VCAM1: variants seen among roughly 807,000 people sequenced by gnomAD.
VCAM1 encodes the protein vascular cell adhesion protein 1.
In VCAM1, 41 loss-of-function variants were observed where a neutral mutation model predicts 63.8. That is an observed-to-expected ratio of 0.64 (90% CI 0.50 to 0.83). The LOEUF is 0.83. VCAM1 is among the 40% of genes least tolerant of loss of function. The probability of loss-of-function intolerance (pLI) is 0.00; values close to 1 mark genes in which losing one functional copy is unlikely to be tolerated. For missense variants in VCAM1, 798 were observed against 875.5 expected, an observed-to-expected ratio of 0.91 and a Z score of 1.12; for synonymous variants, 338 against 320.7, an observed-to-expected ratio of 1.05 and a Z score of -0.58.
rs1660457143 is a variant in VCAM1, at chr1:100,731,532, T to C, written c.1525+14T>C. ...TTTATGTCAATGGTAAGTACATATG[T>C]GAGGTATCTACAGTTTAATACCTGT... On this transcript the variant is annotated intron_variant, in intron 6 of 8. Coordinates refer to ENST00000294728, the MANE Select transcript of VCAM1 (RefSeq NM_001078.4). This position sits in a 1 kb window ranked among gnomAD's most constrained non-coding sequence, Gnocchi z 4.2. The C allele has an allele frequency of 1.2e-6, 2 of 1,603,722 alleles. No homozygotes were observed. The highest frequency in any genetic ancestry group is 1.7e-6 in the Non-Finnish European group (2 of 1,174,458).
At position 100,738,448 on chromosome 1, in the gene VCAM1, A is replaced by C. The variant is rs551375081; in HGVS notation, c.*165A>C. ...TGTCCCTTGCTGTGAGCAAGAAGTCAAAGTAAAACTTGCTGCCTGAAGAAC... is the reference window on the plus strand; with the variant it reads ...TGTCCCTTGCTGTGAGCAAGAAGTCCAAGTAAAACTTGCTGCCTGAAGAAC... On this transcript the variant is annotated 3_prime_UTR_variant, in exon 9 of 9. Transcript: ENST00000294728. 3 of 702,536 alleles carry C rather than the reference A, an allele frequency of 4.3e-6. No homozygotes were observed. Among genetic ancestry groups the C allele is most frequent in the Non-Finnish European group, 6.5e-6 (3 of 461,688 alleles). 43.5% of individuals were successfully genotyped at this position (702,536 alleles called of 1,614,324 possible).
At position 100,732,509 on chromosome 1, in the gene VCAM1, T is replaced by A. The variant is rs1660498001; in HGVS notation, c.1617T>A (p.Phe539Leu). 1 of 1,613,108 alleles carries A rather than the reference T, an allele frequency of 6.2e-7. No individual in the cohort carries two copies. Among genetic ancestry groups the A allele is most frequent in the Non-Finnish European group, 8.5e-7 (1 of 1,179,674 alleles). Residue 539 changes from phenylalanine (F) to leucine (L), a missense_variant, in exon 7 of 9, where the codon TTT becomes TTA. Transcript: ENST00000294728. Reference sequence around the variant, plus strand: ...ATATGACATGCTTGAGCCAGGGCTTTCCTGCTCCGAAAATCCTGTGGAGCA... The same window carrying A: ...ATATGACATGCTTGAGCCAGGGCTTACCTGCTCCGAAAATCCTGTGGAGCA... ...SVNMTCLSQG[F>L]PAPKILWSRQ...
chr1:100,731,731 T>C lies in VCAM1; in HGVS notation c.1525+213T>C, dbSNP rs551549966. Among the ~76,000 whole-genome samples, 13 of 152,100 alleles carry C rather than the reference T, an allele frequency of 8.5e-5. No homozygotes were observed. The highest frequency in any genetic ancestry group is 1.2e-4 in the Non-Finnish European group (8 of 68,006). On this transcript the variant is annotated intron_variant, in intron 6 of 8. Transcript: ENST00000294728. The surrounding 1 kb of genome is among the most constrained non-coding windows in gnomAD (Gnocchi z 4.2). ...GCTTATGATGCTTTGAGTAGGCAAT[T>C]TAGGAAGGGACCAGCTAGGCAGTTA...
intron 2 of VCAM1, 137 bp from the exon 3 acceptor site, chr1:100,722,883 G>T (rs1660002439): frequency 1.0e-6 from 1 of 960,598 alleles, no homozygotes; most frequent in African/African-American, 1.6e-5. Context: ...AATCATGAAA[G>T]GCTATTCAAA....
Position 100,734,483 on chromosome 1 carries a change from T to C in VCAM1, c.1793-19T>C. On this transcript the variant is annotated intron_variant, in intron 7 of 8. Coordinates refer to ENST00000294728, the MANE Select transcript of VCAM1 (RefSeq NM_001078.4). Reference sequence around the variant, plus strand: ...TATATTTCACTCAATCAGGGATGTCTTTTAAATTCTCTTTACAGTTACTCC... The same window carrying C: ...TATATTTCACTCAATCAGGGATGTCCTTTAAATTCTCTTTACAGTTACTCC... The C allele has an allele frequency of 6.3e-7, 1 of 1,598,678 alleles. No individual in the cohort carries two copies. The highest frequency in any genetic ancestry group is 8.5e-7 in the Non-Finnish European group (1 of 1,174,048).
intron 4 of VCAM1, 60 bp downstream of exon 4, chr1:100,724,950 C>T: frequency 6.3e-7 from 1 of 1,576,156 alleles, no homozygotes; most frequent in Non-Finnish European, 8.6e-7. Context: ...GAGCAATAGT[C>T]AACACAGCTT....
chr1:100,723,340 A>T lies in VCAM1; in HGVS notation c.661A>T (p.Ile221Leu). ...RQAVKELQVY[I>L]SPKNTVISVN... ...GGCTGTAAAAGAATTGCAAGTCTAC[A>T]GTAAGTACTTGTGCGATGTGTTCCA... is the stretch of plus-strand genomic sequence containing the variant. The change falls in exon 3 of 9, where the codon ATA becomes TTA. Residue 221 changes from isoleucine to leucine, a missense_variant and splice_region_variant. Coordinates refer to ENST00000294728, the MANE Select transcript of VCAM1 (RefSeq NM_001078.4). 1 of 1,611,566 alleles carries T rather than the reference A, an allele frequency of 6.2e-7. No homozygotes were observed. Among genetic ancestry groups the T allele is most frequent in the Non-Finnish European group, 8.5e-7 (1 of 1,178,322 alleles).
chr1:100,738,203 G>A lies in VCAM1; in HGVS notation c.2140G>A (p.Gly714Arg). The change falls in exon 9 of 9, where the codon GGA becomes AGA. Residue 714 changes from glycine to arginine, a missense_variant. Gly to Arg is a moderately radical substitution (Grantham distance 125). Transcript: ENST00000294728. ...FASSLIIPAIGMIIYFARKAN... is the reference protein window; with the variant it reads ...FASSLIIPAIRMIIYFARKAN... ...ATCCTCCTTAATAATACCTGCCATT[G>A]GAATGATAATTTACTTTGCAAGAAA... The A allele has an allele frequency of 6.2e-7, 1 of 1,613,822 alleles. No individual in the cohort carries two copies.
Position 100,731,278 on chromosome 1 carries a change from A to G in VCAM1, c.1285A>G (p.Ser429Gly), listed in dbSNP as rs143249365. The stretch of plus-strand genomic sequence containing the variant: ...TGTCACTGTAAGCTGCAAGGTTCCT[A>G]GCGTGTACCCCCTTGACCGGCTGGA... ...SSVTVSCKVPSVYPLDRLEIE... is the reference protein window; with the variant it reads ...SSVTVSCKVPGVYPLDRLEIE... The change falls in exon 6 of 9, where the codon AGC becomes GGC. Residue 429 changes from serine (S) to glycine (G), a missense_variant. Coordinates refer to ENST00000294728, the MANE Select transcript of VCAM1 (RefSeq NM_001078.4). The surrounding 1 kb of genome is among the most constrained non-coding windows in gnomAD (Gnocchi z 4.2). 1 of 1,613,792 alleles carries G rather than the reference A, an allele frequency of 6.2e-7. No homozygotes were observed. Among genetic ancestry groups the G allele is most frequent in the African/African-American group, 1.3e-5 (1 of 75,022 alleles).
At chr1:100,720,333 T>C in intron 1 of VCAM1, 143 bp from the exon 2 acceptor site, 1 of 1,165,240 alleles carries the variant, frequency 8.6e-7, no homozygotes, top group Non-Finnish European at 1.2e-6. Context: ...ACTTCGGTGC[T>C]TTTTGGCTAC....
chr1:100,730,512 A>G (rs1660412062), intron 5 of VCAM1, among the ~76,000 whole-genome samples: 1 of 152,150 alleles, frequency 6.6e-6, no homozygotes. Flanking sequence ...TCTTGATTAC[A>G]AGTATTATCT....
intron 2 of VCAM1, among the ~76,000 whole-genome samples, chr1:100,722,192 T>G (rs1018952502): frequency 6.6e-6 from 1 of 152,096 alleles, no homozygotes; most frequent in Non-Finnish European, 1.5e-5. Context: ...AAAAGGTAAC[T>G]CTTGCAAAGG....
At chr1:100,728,409 T>A (rs1418809761) in intron 4 of VCAM1, among the ~76,000 whole-genome samples, 2 of 152,038 alleles carry the variant, frequency 1.3e-5, no homozygotes, top group Admixed American at 6.6e-5. Flanking sequence ...TTATATCTAA[T>A]TAGAAGACAT....
chr1:100,727,437 A>G (rs3765685), intron 4 of VCAM1, among the ~76,000 whole-genome samples: 22,800 of 152,134 alleles, frequency 0.15, 2,060 homozygotes, highest in Admixed American at 0.26. Flanking sequence ...CAGGAAAGAT[A>G]TTATACTAAT....
intron 8 of VCAM1, chr1:100,735,265 C>T (rs1040704353): frequency 1.3e-5 from 2 of 153,796 alleles, no homozygotes; most frequent in South Asian, 2.0e-4. Context: ...TCTCGACTAT[C>T]GAAAAGCCTC....
rs1660737476 is a variant in VCAM1 at position 100,738,392 on chromosome 1, TG to T, written c.*110del. 7.8e-7 allele frequency: 1 copy of T among 1,275,154 alleles called. No homozygotes were observed. Among genetic ancestry groups the T allele is most frequent in the Admixed American group, 2.5e-5 (1 of 40,446 alleles). 79.0% of individuals were successfully genotyped at this position (1,275,154 alleles called of 1,614,324 possible). Reference sequence around the variant, plus strand: ...GAGCTGAGAGGCAGACTTCCCTGAATGTATTGAACTTGGAAAGAAATGCCCA... The same window carrying T: ...GAGCTGAGAGGCAGACTTCCCTGAATTATTGAACTTGGAAAGAAATGCCCA... On this transcript the variant is annotated 3_prime_UTR_variant, in exon 9 of 9. Coordinates refer to ENST00000294728, the MANE Select transcript of VCAM1 (RefSeq NM_001078.4).
rs1557909451 is a variant in VCAM1 at position 100,738,200 on chromosome 1, AT to A, written c.2139del (p.Ile713MetfsTer3). On this transcript the variant is annotated frameshift_variant, in exon 9 of 9. Transcript: ENST00000294728. LOFTEE classifies it high-confidence loss of function. ...YFASSLIIPA[I>X]GMIIYFARKA... is the part of the protein sequence containing the mutation. ...TGCATCCTCCTTAATAATACCTGCC[AT>A]TGGAATGATAATTTACTTTGCAAGA... The A allele has an allele frequency of 6.2e-7, 1 of 1,613,788 alleles. No individual in the cohort carries two copies.
In VCAM1 at chr1:100,720,076, T is replaced by G. The variant is rs1483674058; in HGVS notation, c.64+152T>G. 9 of 814,832 alleles carry G rather than the reference T, an allele frequency of 1.1e-5. No homozygotes were observed. The East Asian group carries it at 2.4e-4, about 22-fold the overall frequency. The allele number at this position is 814,832 out of a possible 1,614,324, so 50.5% of individuals were successfully genotyped here. On this transcript the variant is annotated intron_variant, in intron 1 of 8. Transcript: ENST00000294728. ...TTTAGTCTAACTTTTAATATGCAATTGAGTTTTGCTATATACCATTGTACT... is the reference window on the plus strand; with the variant it reads ...TTTAGTCTAACTTTTAATATGCAATGGAGTTTTGCTATATACCATTGTACT...
In VCAM1 at chr1:100,725,027, A is replaced by G. The variant is rs970984673; in HGVS notation, c.928+137A>G. ...CTGATTGCCATATCCTTTAGCACAAATATATGTTTATCTTACTAGTACTCT... is the reference window on the plus strand; with the variant it reads ...CTGATTGCCATATCCTTTAGCACAAGTATATGTTTATCTTACTAGTACTCT... On this transcript the variant is annotated intron_variant, in intron 4 of 8. Coordinates refer to ENST00000294728, the MANE Select transcript of VCAM1 (RefSeq NM_001078.4). 1.8e-5 allele frequency: 20 copies of G among 1,137,268 alleles called. No homozygotes were observed. The African/African-American group carries it at 2.2e-4, about 13-fold the overall frequency. 70.4% of individuals were successfully genotyped at this position (1,137,268 alleles called of 1,614,324 possible).
Sources: allele counts gnomAD v4.1 joint callset (sites outside exome capture counted in the v4.1 genomes callset), GRCh38; gene constraint gnomAD v4.1.1; non-coding constraint Gnocchi (gnomAD v3.1); transcripts MANE v1.5; gene names NCBI Gene and HGNC (gene_info 2026-07-23, HGNC 2026-07-21).